Variants in ITGAL observed in about 807,000 individuals in gnomAD.
ITGAL encodes the protein integrin subunit alpha L.
A neutral mutation model predicts 138.4 loss-of-function variants in ITGAL; 68 were observed. The observed-to-expected ratio is 0.49, with a 90% CI of 0.40 to 0.60. The LOEUF is 0.60. Among genes scored for constraint, ITGAL ranks in the 20% least tolerant of loss-of-function variants. The probability of loss-of-function intolerance (pLI) is 0.00; values close to 1 mark genes in which losing one functional copy is unlikely to be tolerated. For synonymous variants in ITGAL, 561 were observed against 584.3 expected, an observed-to-expected ratio of 0.96 and a Z score of 0.57; for missense variants, 1,256 against 1,478.6, an observed-to-expected ratio of 0.85 and a Z score of 2.47.
Position 30,479,144 on chromosome 16 carries a change from CCT to C in ITGAL, c.382_383del (p.Leu128ValfsTer34). The C allele has an allele frequency of 8.1e-6, 13 of 1,614,142 alleles. No homozygotes were observed. Among genetic ancestry groups the C allele is most frequent in the Non-Finnish European group, 1.0e-5 (12 of 1,180,024 alleles). ...TCDQNTYLSGLCYLFRQNLQG... is the reference protein window; with the variant it reads ...TCDQNTYLSGXCYLFRQNLQG... ...GTGACCAGAACACCTATCTGAGTGG[CCT>C]GTGTTACCTCTTCCGCCAGAATCTG... is the stretch of plus-strand genomic sequence containing the variant. On this transcript the variant is annotated frameshift_variant, in exon 5 of 31. Coordinates refer to ENST00000356798, the MANE Select transcript of ITGAL (RefSeq NM_002209.3). LOFTEE classifies it high-confidence loss of function.
In ITGAL at chr16:30,510,874, CT is replaced by C. The variant is rs906515804; in HGVS notation, c.2620-6del. On this transcript the variant is annotated splice_polypyrimidine_tract_variant and splice_region_variant and intron_variant, in intron 22 of 30. Coordinates refer to ENST00000356798, the MANE Select transcript of ITGAL (RefSeq NM_002209.3). Reference sequence around the variant, plus strand: ...TCCATTTCCATTGCCCTCTCCTTTCCTGCCAGGTTGCTCTGCAGATGATGTT... The same window carrying C: ...TCCATTTCCATTGCCCTCTCCTTTCCGCCAGGTTGCTCTGCAGATGATGTT... 6.2e-6 allele frequency: 10 copies of C among 1,613,290 alleles called. No homozygotes were observed. The African/African-American group carries it at 8.0e-5, about 13-fold the overall frequency.
At chr16:30,500,552 TA>T (rs1248498960) in intron 17 of ITGAL, among the ~76,000 whole-genome samples, 5 of 151,848 alleles carry the variant, frequency 3.3e-5, no homozygotes, top group East Asian at 3.9e-4. Context: ...AATTTTTTAT[TA>T]AAAAAATTTT....
chr16:30,481,889 G>T (rs1383699197), intron 7 of ITGAL, among the ~76,000 whole-genome samples: 2 of 151,914 alleles, frequency 1.3e-5, no homozygotes, highest in East Asian at 3.9e-4. Context: ...TTTGGTTTTT[G>T]GTTTTTGTTT....
At position 30,508,101 on chromosome 16, in the gene ITGAL, G is replaced by T. The variant is rs560270083; in HGVS notation, c.2508+1245G>T. On this transcript the variant is annotated intron_variant, in intron 21 of 30. Coordinates refer to ENST00000356798, the MANE Select transcript of ITGAL (RefSeq NM_002209.3). ...TTTTTTGTATTTTTAGTAGAGACGG[G>T]GTTTCACTGTGTTAGCCAGGATGGT... 2.3e-4 allele frequency among the ~76,000 whole-genome samples: 35 copies of T among 151,314 alleles called. No homozygotes were observed. The East Asian group carries it at 6.3e-3, about 27-fold the overall frequency.
At chr16:30,500,432 T>C (rs529521663) in intron 17 of ITGAL, among the ~76,000 whole-genome samples, 2 of 152,210 alleles carry the variant, frequency 1.3e-5, no homozygotes, top group Admixed American at 1.3e-4. Flanking sequence ...TTGCCCAGGC[T>C]GGACTCTAAC....
chr16:30,489,013 C>A, intron 9 of ITGAL, 69 bp from the exon 10 acceptor site: 2 of 1,306,374 alleles, frequency 1.5e-6, no homozygotes, highest in Non-Finnish European at 2.2e-6. Flanking sequence ...TCTTCCCCGT[C>A]CTGCCATGAA....
chr16:30,492,436 G>T (rs2050736887), intron 11 of ITGAL, among the ~76,000 whole-genome samples: 2 of 151,424 alleles, frequency 1.3e-5, no homozygotes, highest in South Asian at 4.2e-4. Flanking sequence ...ATTTTTAGTA[G>T]TGATGGGGTT....
chr16:30,495,964 C>G, intron 13 of ITGAL, 133 bp from the exon 14 acceptor site: 2 of 729,124 alleles, frequency 2.7e-6, no homozygotes, highest in Non-Finnish European at 4.8e-6. Flanking sequence ...TGCTTGAACC[C>G]TGGTTAGTCT....
chr16:30,493,172 C>A (rs2050747834), intron 11 of ITGAL, among the ~76,000 whole-genome samples: 1 of 152,142 alleles, frequency 6.6e-6, no homozygotes, highest in South Asian at 2.1e-4. Context: ...AGGTGTGAGC[C>A]ACTGCACTTG....
intron 9 of ITGAL, among the ~76,000 whole-genome samples, chr16:30,487,878 T>A (rs902100063): frequency 6.6e-6 from 1 of 151,172 alleles, no homozygotes; most frequent in Non-Finnish European, 1.5e-5. Flanking sequence ...CCACCATGCC[T>A]AGCTAATTTT....
At chr16:30,499,733 A>ATGTGTATATATATATATATATATAT in intron 17 of ITGAL, among the ~76,000 whole-genome samples, 38 of 88,358 alleles carry the variant, frequency 4.3e-4, no homozygotes, top group Non-Finnish European at 4.9e-4. Flanking sequence ...ATATATATAT[A>ATGTGTATATATATATATATATATAT]TTTTTTTTTT....
In ITGAL at chr16:30,504,208, G is replaced by C; in HGVS notation, c.2179G>C (p.Val727Leu). ...TCAAGACCTCATCTCCCCCATCAAT[G>C]TTTCCCTGAATTTCTCTCTTTGGGA... ...CVQDLISPIN[V>L]SLNFSLWEEE... Residue 727 changes from valine to leucine, a missense_variant, in exon 18 of 31, where the codon GTT becomes CTT. Transcript: ENST00000356798. 6.2e-7 allele frequency: 1 copy of C among 1,613,806 alleles called. No homozygotes were observed. Among genetic ancestry groups the C allele is most frequent in the African/African-American group, 1.3e-5 (1 of 75,028 alleles).
chr16:30,498,831 G>A, intron 15 of ITGAL: 1 of 398,230 alleles, frequency 2.5e-6, no homozygotes, highest in Non-Finnish European at 4.6e-6. Context: ...AGCCTGGGAG[G>A]CCGAGGCTGT....
chr16:30,517,610 T>C, intron 26 of ITGAL, 39 bp from the exon 27 acceptor site: 1 of 1,578,754 alleles, frequency 6.3e-7, no homozygotes, highest in Non-Finnish European at 8.7e-7. Flanking sequence ...TTATCTGGGT[T>C]GGGGAGGCTC....
intron 21 of ITGAL, among the ~76,000 whole-genome samples, chr16:30,507,932 G>A (rs769521000): frequency 2.0e-5 from 3 of 150,784 alleles, no homozygotes; most frequent in East Asian, 1.9e-4. Flanking sequence ...TTTCTGAGAC[G>A]GGGTCTCGCT....
chr16:30,517,382 T>C (rs190616323), intron 26 of ITGAL, among the ~76,000 whole-genome samples: 1 of 151,906 alleles, frequency 6.6e-6, no homozygotes, highest in Non-Finnish European at 1.5e-5. Context: ...CACTTGAACC[T>C]AGGAGTTTGA....
Position 30,510,387 on chromosome 16 carries a change from C to T in ITGAL, c.2535C>T (p.Cys845=), listed in dbSNP as rs142519924. The T allele has an allele frequency of 2.5e-5, 41 of 1,611,456 alleles. No homozygotes were observed. The highest frequency in any genetic ancestry group is 2.2e-4 in the East Asian group (10 of 44,864). ...CCCATAGCCAGATACCTGTGAGCTG[C>T]GAGGAGCTTCCTGAAGAGTCCAGGC... ...LKPHSQIPVS[C]EELPEESRLL... Residue 845 remains cysteine, a synonymous_variant, in exon 22 of 31, where the codon TGC becomes TGT. Transcript: ENST00000356798.
Position 30,473,293 on chromosome 16 carries a change from C to T in ITGAL, c.61+395C>T, listed in dbSNP as rs1019273158. On this transcript the variant is annotated intron_variant, in intron 1 of 30. Transcript: ENST00000356798. ...TAAAAATACAATAAAATTAGCTTGG[C>T]GTGGTGGCACAGGCCTGTAATCCCA... is the stretch of plus-strand genomic sequence containing the variant. Among the ~76,000 whole-genome samples the T allele has an allele frequency of 9.2e-5, 14 of 152,220 alleles. No homozygotes were observed. The East Asian group carries it at 1.9e-3, about 21-fold the overall frequency.
At chr16:30,473,984 G>A (rs763986764) in intron 1 of ITGAL, 2 of 685,950 alleles carry the variant, frequency 2.9e-6, no homozygotes, top group Admixed American at 2.0e-5. Flanking sequence ...ACGGGAAGTT[G>A]TATCCTCAGG....
Sources: gnomAD v4.1 joint callset for allele counts (sites outside exome capture counted in the v4.1 genomes callset) on GRCh38, gnomAD v4.1.1 for gene constraint, MANE v1.5 for transcripts, NCBI Gene and HGNC (gene_info 2026-07-23, HGNC 2026-07-21) for gene names.